LOC128125822: variants seen among roughly 807,000 people sequenced by gnomAD.
chr6:63,580,338 A>G, the LOC128125822 span: 1 of 605,272 alleles, frequency 1.7e-6, no homozygotes, highest in Non-Finnish European at 2.9e-6. Context: ...CAACCTCTGT[A>G]TTTGGGTTAC....
At chr6:63,574,244 T>C in the LOC128125822 span, among the ~76,000 whole-genome samples, 2 of 152,222 alleles carry the variant, frequency 1.3e-5, no homozygotes, top group African/African-American at 4.8e-5. Context: ...ACAAAGGAGT[T>C]ACACACATTA....
At chr6:63,579,982 G>A in the LOC128125822 span, 1 of 1,067,542 alleles carries the variant, frequency 9.4e-7, no homozygotes, top group South Asian at 1.4e-5. Flanking sequence ...GAGAGGTGAT[G>A]GTTGTCTATA....
the LOC128125822 span, among the ~76,000 whole-genome samples, chr6:63,579,620 A>T: frequency 2.0e-5 from 3 of 152,206 alleles, no homozygotes; most frequent in African/African-American, 7.2e-5. Flanking sequence ...ACATTTAAAG[A>T]TACAATAAAA....
At chr6:63,579,034 T>G in the LOC128125822 span, 2 of 1,565,574 alleles carry the variant, frequency 1.3e-6, no homozygotes, top group Non-Finnish European at 1.7e-6. Context: ...GGGAGGTAAA[T>G]GAATTTATCA....
chr6:63,579,033 A>G, the LOC128125822 span: 4 of 1,568,898 alleles, frequency 2.5e-6, no homozygotes, highest in South Asian at 3.7e-5. Flanking sequence ...TGGGAGGTAA[A>G]TGAATTTATC....
chr6:63,581,162 C>T, the LOC128125822 span: 1 of 151,824 alleles, frequency 6.6e-6, no homozygotes, highest in African/African-American at 2.4e-5. Flanking sequence ...TCCTTCCCAA[C>T]CTCTCTTGCA....
At chr6:63,576,842 A>G in the LOC128125822 span, 1 of 1,511,558 alleles carries the variant, frequency 6.6e-7, no homozygotes, top group Non-Finnish European at 9.0e-7. Context: ...TTTTTTAATT[A>G]TTTCATAACC....
the LOC128125822 span, chr6:63,579,389 G>A: frequency 7.3e-7 from 1 of 1,365,564 alleles, no homozygotes; most frequent in Non-Finnish European, 1.0e-6. Flanking sequence ...TTGAGTGTCA[G>A]TGAGTTTAAT....
At chr6:63,576,921 A>T in the LOC128125822 span, 3 of 1,614,030 alleles carry the variant, frequency 1.9e-6, no homozygotes, top group Non-Finnish European at 2.5e-6. Context: ...GAAGTCACAT[A>T]CAAGAACATG....
At chr6:63,580,519 G>T in the LOC128125822 span, 1 of 185,828 alleles carries the variant, frequency 5.4e-6, no homozygotes, top group South Asian at 1.3e-4. Context: ...AGGAAGATTA[G>T]GTGCCAAAAT....
the LOC128125822 span, chr6:63,581,435 T>C: frequency 6.6e-6 from 1 of 152,588 alleles, no homozygotes; most frequent in Non-Finnish European, 1.5e-5. Flanking sequence ...TCTAAATAAA[T>C]AATGACATGC....
At chr6:63,576,411 C>T in the LOC128125822 span, 1 of 399,666 alleles carries the variant, frequency 2.5e-6, no homozygotes, top group Non-Finnish European at 4.4e-6. Flanking sequence ...CTTATTCTCT[C>T]TTTCTGTCTT....
the LOC128125822 span, chr6:63,576,852 C>G: frequency 3.2e-6 from 5 of 1,554,028 alleles, no homozygotes; most frequent in Non-Finnish European, 4.4e-6. Context: ...ATTTCATAAC[C>G]CTATTGAGTG....
At chr6:63,579,229 CTA>C in the LOC128125822 span, 3 of 1,569,866 alleles carry the variant, frequency 1.9e-6, no homozygotes, top group Non-Finnish European at 2.6e-6. Flanking sequence ...TTTGAAAAAA[CTA>C]TTTATCAAAA....
the LOC128125822 span, among the ~76,000 whole-genome samples, chr6:63,577,982 TCATTCAATG>T: frequency 9.8e-6 from 1 of 102,370 alleles, no homozygotes; most frequent in African/African-American, 6.1e-5. Flanking sequence ...AGTTAAGACT[TCATTCAATG>T]TAAATCAGTA....
the LOC128125822 span, chr6:63,576,967 C>A: frequency 1.9e-6 from 3 of 1,612,260 alleles, no homozygotes; most frequent in East Asian, 6.7e-5. Flanking sequence ...CCAATGCGAC[C>A]TTAAACAAAT....
chr6:63,572,835 T>A, the LOC128125822 span: 2 of 394,506 alleles, frequency 5.1e-6, no homozygotes, highest in East Asian at 7.2e-5. Context: ...CGGGTTGCGG[T>A]TCCGGTGGGT....
At chr6:63,576,830 A>G in the LOC128125822 span, 13 of 1,457,668 alleles carry the variant, frequency 8.9e-6, no homozygotes, top group East Asian at 4.5e-5. Flanking sequence ...TCTGTATTCA[A>G]TTTTTTTAAT....
At chr6:63,580,017 GC>G in the LOC128125822 span, 1 of 1,434,264 alleles carries the variant, frequency 7.0e-7, no homozygotes, top group South Asian at 1.2e-5. Context: ...ACTGTAGGGG[GC>G]TTTTGCCTTG....
Sources: gnomAD v4.1 joint callset for allele counts (sites outside exome capture counted in the v4.1 genomes callset) on GRCh38, gnomAD v4.1.1 for gene constraint, MANE v1.5 for transcripts.